The following NBPF9 variants were observed in gnomAD, a reference collection of about 807,000 sequenced individuals.
The protein encoded by NBPF9 is NBPF family member NBPF9.
A neutral mutation model predicts 97.8 loss-of-function variants in NBPF9; 91 were observed. The ratio of observed to expected loss-of-function variants is 0.93; its 90% CI spans 0.79 to 1.11. The LOEUF is 1.11. Among genes scored for constraint, NBPF9 ranks in the 50% least tolerant of loss-of-function variants. The pLI, the probability that NBPF9 is intolerant of heterozygous loss-of-function variation, is 0.00. For synonymous variants in NBPF9, 334 were observed against 359.5 expected (o/e 0.93, Z 0.80); for missense variants, 992 against 939.5 (o/e 1.06, Z -0.73).
chr1:149,079,496 G>C (rs79382276), intron 8 of NBPF9, among the ~76,000 whole-genome samples: 2 of 149,656 alleles, frequency 1.3e-5, no homozygotes, highest in Non-Finnish European at 3.0e-5. Context: ...TTCCCTTTCA[G>C]AAAGACATCT....
exon 11 of NBPF9, chr1:149,077,419 C>G: frequency 6.2e-7 from 1 of 1,609,238 alleles, no homozygotes; most frequent in South Asian, 1.1e-5. Flanking sequence ...TCTGCACCTC[C>G]CTGATGAGCC....
At chr1:149,082,957 CTTTTTTTTTTTTT>C (rs1157992196) in intron 5 of NBPF9, among the ~76,000 whole-genome samples, 1 of 66,470 alleles carries the variant, frequency 1.5e-5, no homozygotes, top group Non-Finnish European at 2.6e-5. Context: ...TTTTTCTTTT[CTTTTTTTTTTTTT>C]TTTTTTTTTT....
intron 4 of NBPF9, among the ~76,000 whole-genome samples, chr1:149,098,136 G>A (rs1553662322): frequency 6.6e-6 from 1 of 150,748 alleles, no homozygotes. Flanking sequence ...AGAGAATGGG[G>A]GGTAAGAGGG....
rs367946185 is a variant in NBPF9 at position 149,072,696 on chromosome 1, A to T, written c.1306+22T>A. 248 of 1,611,256 alleles carry T rather than the reference A, an allele frequency of 1.5e-4. 1 individual carries two copies. Among genetic ancestry groups the T allele is most frequent in the African/African-American group, 1.3e-3 (98 of 74,752 alleles). ...CTCATAAGCCTGGGGTTTTGGGTCA[A>T]CAGGGCCTATGGCCACCTTACCTGG... On this transcript the variant is annotated intron_variant, in intron 14 of 29. Coordinates refer to ENST00000584027, the Ensembl canonical transcript of NBPF9.
chr1:149,055,840 C>G (rs782759343), exon 30 of NBPF9: 2 of 1,599,662 alleles, frequency 1.3e-6, no homozygotes, highest in Non-Finnish European at 1.7e-6. Context: ...AGAATAACAT[C>G]CATCCAGTGA....
At chr1:149,058,813 C>T (rs1294478646) in intron 26 of NBPF9, 112 bp downstream of exon 26, 23 of 704,028 alleles carry the variant, frequency 3.3e-5, no homozygotes, top group Non-Finnish European at 4.4e-5. Context: ...CCCATAGGTC[C>T]TGCCTGTGGC....
intron 17 of NBPF9, chr1:149,066,011 T>C (rs2079020594): frequency 2.0e-6 from 1 of 501,390 alleles, no homozygotes; most frequent in Non-Finnish European, 3.6e-6. Flanking sequence ...TTTGCATAAA[T>C]TGGGTTGAAT....
intron 6 of NBPF9, 37 bp from the exon 7 acceptor site, chr1:149,082,211 A>G (rs2080531371): frequency 6.4e-7 from 1 of 1,574,592 alleles, no homozygotes. Context: ...ATGGGTTAAA[A>G]ACTGGTGAAA....
intron 10 of NBPF9, 61 bp from the exon 11 acceptor site, chr1:149,077,480 G>A: frequency 6.2e-7 from 1 of 1,602,364 alleles, no homozygotes; most frequent in Admixed American, 1.7e-5. Context: ...TGGACCCCAG[G>A]GAGTACTAGC....
intron 13 of NBPF9, among the ~76,000 whole-genome samples, chr1:149,073,514 TTG>T (rs2079580762): frequency 6.8e-6 from 1 of 146,380 alleles, no homozygotes; most frequent in Non-Finnish European, 1.5e-5. Context: ...TTGGTTAATT[TTG>T]TGTTATGTAA....
intron 15 of NBPF9, among the ~76,000 whole-genome samples, chr1:149,071,360 T>C (rs1227490300): frequency 6.6e-6 from 1 of 150,984 alleles, no homozygotes; most frequent in African/African-American, 2.4e-5. Flanking sequence ...TTCATTGCAC[T>C]GGACAGATAG....
exon 30 of NBPF9, chr1:149,054,857 T>C (rs1282045335): frequency 6.6e-6 from 1 of 152,106 alleles, no homozygotes; most frequent in Non-Finnish European, 1.5e-5. Context: ...CTGCTCAGTG[T>C]TCTACATTCT....
chr1:149,090,419 T>G (rs1178481758), intron 5 of NBPF9: 1 of 241,974 alleles, frequency 4.1e-6, no homozygotes, highest in Non-Finnish European at 8.0e-6. Context: ...GCCACCTGTT[T>G]GCTCATTTCC....
At chr1:149,059,573 C>T in intron 25 of NBPF9, 127 bp downstream of exon 25, 1 of 480,102 alleles carries the variant, frequency 2.1e-6, no homozygotes, top group Non-Finnish European at 3.8e-6. Context: ...TGAAAACCAA[C>T]AGCAATGACA....
At position 149,081,945 on chromosome 1, in the gene NBPF9, G is replaced by C; in HGVS notation, c.175+20C>G. The C allele has an allele frequency of 6.6e-7, 1 of 1,521,826 alleles. No individual in the cohort carries two copies. The highest frequency in any genetic ancestry group is 9.0e-7 in the Non-Finnish European group (1 of 1,109,736). The allele number at this position is 1,521,826 out of a possible 1,614,324, so 94.3% of individuals were successfully genotyped here. On this transcript the variant is annotated intron_variant, in intron 7 of 29. Coordinates refer to ENST00000584027, the Ensembl canonical transcript of NBPF9. ...GGACATCATTCATCACTTTCATGAC[G>C]GTGAGCCTATAGATCTTACTGTATT...
In NBPF9 at chr1:149,059,241, G is replaced by T. The variant is rs1452004691; in HGVS notation, c.2586-144C>A. The T allele has an allele frequency of 4.9e-4, 223 of 451,976 alleles. 55 individuals are homozygous for T. The highest frequency in any genetic ancestry group is 1.4e-3 in the Admixed American group (38 of 27,642). 28.0% of individuals were successfully genotyped at this position (451,976 alleles called of 1,614,324 possible). On this transcript the variant is annotated intron_variant, in intron 25 of 29. Transcript: ENST00000584027. ...ATGAGGTAATGAATTATTGCCTTTA[G>T]GTTGGGATAGACCAGGGCCAGGTAG...
chr1:149,076,606 C>CA (rs782485342), intron 11 of NBPF9, among the ~76,000 whole-genome samples: 1 of 150,082 alleles, frequency 6.7e-6, no homozygotes, highest in African/African-American at 2.4e-5. Flanking sequence ...GGGTTCATGC[C>CA]ATTCTCCTGC....
chr1:149,068,468 G>A (rs1194116548), intron 17 of NBPF9, among the ~76,000 whole-genome samples: 1 of 148,120 alleles, frequency 6.8e-6, no homozygotes, highest in Non-Finnish European at 1.5e-5. Flanking sequence ...AAAGGCAGGG[G>A]TTGCAATCCT....
chr1:149,079,328 C>G, intron 8 of NBPF9, 107 bp from the exon 9 acceptor site: 1 of 1,192,016 alleles, frequency 8.4e-7, no homozygotes, highest in Non-Finnish European at 1.2e-6. Context: ...GACCTTGAAA[C>G]AGAAGGTCAG....
Sources: gnomAD v4.1 joint callset for allele counts (sites outside exome capture counted in the v4.1 genomes callset) on GRCh38, gnomAD v4.1.1 for gene constraint, MANE v1.5 for transcripts, NCBI Gene and HGNC (gene_info 2026-07-23, HGNC 2026-07-21) for gene names.